SCAI: variants seen among roughly 807,000 people sequenced by gnomAD.
SCAI encodes suppressor of cancer cell invasion.
A neutral mutation model predicts 92.2 loss-of-function variants in SCAI; 24 were observed. The ratio of observed to expected loss-of-function variants is 0.26; its 90% confidence interval spans 0.19 to 0.37. SCAI has a LOEUF of 0.37. SCAI is among the 10% of genes least tolerant of loss of function. The pLI is 1.00. For missense variants in SCAI, 450 were observed against 736.2 expected (o/e 0.61, Z 4.50); for synonymous variants, 261 against 258.6 (o/e 1.01, Z -0.09).
chr9:125,041,132 T>G (rs1833311724), intron 3 of SCAI, among the ~76,000 whole-genome samples: 1 of 152,210 alleles, frequency 6.6e-6, no homozygotes, highest in African/African-American at 2.4e-5. Context: ...ATAGCAAGAA[T>G]TAGCAAGTTT....
chr9:125,027,499 T>TG (rs745366525), intron 5 of SCAI, among the ~76,000 whole-genome samples: 5 of 151,782 alleles, frequency 3.3e-5, no homozygotes, highest in Non-Finnish European at 7.4e-5. Flanking sequence ...TTTTATTGCC[T>TG]TTTCTTTTCT....
intron 17 of SCAI, among the ~76,000 whole-genome samples, chr9:124,959,938 A>C (rs889733876): frequency 6.6e-6 from 1 of 152,110 alleles, no homozygotes; most frequent in African/African-American, 2.4e-5. Context: ...TCTATCATTG[A>C]TGGACATTTG....
intron 3 of SCAI, among the ~76,000 whole-genome samples, chr9:125,046,353 G>GTGTGTA (rs1356414489): frequency 1.6e-4 from 18 of 110,350 alleles, no homozygotes; most frequent in Admixed American, 3.6e-4. Context: ...GTGTGTGTGT[G>GTGTGTA]TATATATATA....
intron 5 of SCAI, 38 bp downstream of exon 5, chr9:125,028,354 A>G: frequency 8.7e-7 from 1 of 1,153,112 alleles, no homozygotes; most frequent in Non-Finnish European, 1.3e-6. Context: ...TGTTTTAATC[A>G]GACAACACTT....
At position 124,944,466 on chromosome 9, in the gene SCAI, A is replaced by ATTTTTTTTTTTTTTTTT. The variant is rs71374207; in HGVS notation, c.*8324_*8340dup. ...AGGCGCACACCACCATGCCTGGCTA[A>ATTTTTTTTTTTTTTTTT]TTTTTTTTTTTTTTTTTTTTTTTTT... On this transcript the variant is annotated 3_prime_UTR_variant, in exon 18 of 18. Coordinates refer to ENST00000336505, the MANE Select transcript of SCAI (RefSeq NM_001144877.3). The ATTTTTTTTTTTTTTTTT allele has an allele frequency of 4.7e-5, 4 of 84,726 alleles. No homozygotes were observed. Among genetic ancestry groups the ATTTTTTTTTTTTTTTTT allele is most frequent in the African/African-American group, 4.9e-5 (1 of 20,438 alleles). 5.2% of individuals were successfully genotyped at this position (84,726 alleles called of 1,614,324 possible). A position where few individuals can be genotyped will look rare whatever the true frequency, so the allele number is the denominator to read the frequency against.
chr9:125,038,273 CT>C (rs1413932182), intron 3 of SCAI, among the ~76,000 whole-genome samples: 1 of 152,162 alleles, frequency 6.6e-6, no homozygotes, highest in East Asian at 1.9e-4. Context: ...TCAAATGAAA[CT>C]GTTTCCTTTT....
chr9:125,093,653 C>G (rs948074904), intron 2 of SCAI, among the ~76,000 whole-genome samples: 39 of 151,444 alleles, frequency 2.6e-4, no homozygotes, highest in African/African-American at 9.2e-4. Flanking sequence ...GCAGCCTTCG[C>G]CTCCCGGGTT....
At chr9:125,143,304 A>T in intron 1 of SCAI, 81 bp downstream of exon 1, 1 of 703,764 alleles carries the variant, frequency 1.4e-6, no homozygotes, top group Non-Finnish European at 1.8e-6. Flanking sequence ...CGAATGCTCC[A>T]CCGCCCCGAG....
intron 3 of SCAI, among the ~76,000 whole-genome samples, chr9:125,046,174 C>T (rs1471039383): frequency 1.3e-5 from 1 of 79,314 alleles, no homozygotes; most frequent in Non-Finnish European, 2.4e-5. Context: ...CATCAATCAA[C>T]AAGTGAATAA....
intron 9 of SCAI, among the ~76,000 whole-genome samples, chr9:125,003,905 G>C (rs577980169): frequency 6.6e-6 from 1 of 152,096 alleles, no homozygotes; most frequent in Non-Finnish European, 1.5e-5. Context: ...GCCATGCATG[G>C]TGACTCACGC....
chr9:125,106,618 A>C (rs114115028), intron 2 of SCAI, among the ~76,000 whole-genome samples: 1,968 of 152,238 alleles, frequency 0.013, 33 homozygotes, highest in African/African-American at 0.044. Context: ...ATATTCATTA[A>C]ATTCTCCCCA....
intron 2 of SCAI, among the ~76,000 whole-genome samples, chr9:125,109,833 C>G (rs574667848): frequency 6.6e-6 from 1 of 152,036 alleles, no homozygotes; most frequent in Non-Finnish European, 1.5e-5. Flanking sequence ...ATTACAGGCA[C>G]GCACCACCAC....
chr9:125,003,126 T>C lies in SCAI; in HGVS notation c.1053A>G (p.Ala351=), dbSNP rs201378215. The C allele has an allele frequency of 2.5e-6, 4 of 1,610,680 alleles. No individual in the cohort carries two copies. The highest frequency in any genetic ancestry group is 2.2e-5 in the South Asian group (2 of 91,002). ...GGATCACACATACCTTAAAAGACGC[T>C]GCTAAGAAGGTATATAGCTGGCTGA... ...PTFSQLYTFL[A]ASFKELPANS... The change falls in exon 11 of 18, where the codon GCA becomes GCG. Residue 351 remains alanine (A), a synonymous_variant. Coordinates refer to ENST00000336505, the MANE Select transcript of SCAI (RefSeq NM_001144877.3).
intron 17 of SCAI, among the ~76,000 whole-genome samples, chr9:124,958,873 C>T (rs1330850936): frequency 7.5e-6 from 1 of 133,052 alleles, no homozygotes; most frequent in African/African-American, 2.9e-5. Context: ...TGCCACTGCA[C>T]TCCAGCCTGG....
chr9:125,032,129 T>C (rs1171445610), intron 3 of SCAI, among the ~76,000 whole-genome samples: 1 of 149,132 alleles, frequency 6.7e-6, no homozygotes, highest in Non-Finnish European at 1.5e-5. Context: ...TATAGAAATA[T>C]TTAGAACAGA....
chr9:124,985,612 A>G (rs1564366947), intron 14 of SCAI, among the ~76,000 whole-genome samples: 1 of 152,220 alleles, frequency 6.6e-6, no homozygotes, highest in Non-Finnish European at 1.5e-5. Flanking sequence ...TCACACCTGT[A>G]ATCCCAGAAC....
chr9:124,986,671 G>A (rs1831997886), intron 14 of SCAI, among the ~76,000 whole-genome samples: 2 of 152,146 alleles, frequency 1.3e-5, no homozygotes, highest in South Asian at 4.1e-4. Context: ...ACCACCTCAG[G>A]AAGTCCAACA....
intron 2 of SCAI, among the ~76,000 whole-genome samples, chr9:125,066,619 C>T (rs963537329): frequency 3.9e-5 from 6 of 151,990 alleles, no homozygotes; most frequent in Admixed American, 1.3e-4. Context: ...CCGCGCCCGG[C>T]TAATTTTTTG....
intron 2 of SCAI, among the ~76,000 whole-genome samples, chr9:125,128,184 A>C (rs1835316331): frequency 6.6e-6 from 1 of 152,154 alleles, no homozygotes; most frequent in Admixed American, 6.5e-5. Context: ...CCTGCCGGGC[A>C]CAGTGGCACA....
Sources: gnomAD v4.1 joint callset for allele counts (sites outside exome capture counted in the v4.1 genomes callset) on GRCh38, gnomAD v4.1.1 for gene constraint, MANE v1.5 for transcripts, NCBI Gene and HGNC (gene_info 2026-07-23, HGNC 2026-07-21) for gene names.